Variants in NEK11 observed in about 807,000 individuals in gnomAD.
NEK11 encodes the protein NIMA related kinase 11, also known as serine/threonine-protein kinase Nek11.
A neutral mutation model predicts 80.7 loss-of-function variants in NEK11; 72 were observed. The ratio of observed to expected loss-of-function variants is 0.89; its 90% CI spans 0.74 to 1.08. NEK11 has a LOEUF of 1.08. Ranked by LOEUF, NEK11 falls within the 50% of genes least tolerant of loss-of-function variation. The pLI, the probability that NEK11 is intolerant of heterozygous loss-of-function variation, is 0.00. For missense variants in NEK11, 764 were observed against 763.6 expected, an observed-to-expected ratio of 1.00 and a Z score of -0.01; for synonymous variants, 251 against 260.7, an observed-to-expected ratio of 0.96 and a Z score of 0.36.
chr3:131,199,550 A>C (rs936587103), intron 14 of NEK11, among the ~76,000 whole-genome samples: 1 of 152,146 alleles, frequency 6.6e-6, no homozygotes, highest in African/African-American at 2.4e-5. Flanking sequence ...TTTTTTAAAA[A>C]ATATCATATG....
intron 3 of NEK11, among the ~76,000 whole-genome samples, chr3:131,077,014 C>T (rs1234555314): frequency 6.6e-6 from 1 of 152,178 alleles, no homozygotes; most frequent in African/African-American, 2.4e-5. Flanking sequence ...TTCCCCATTT[C>T]TGCAAAAGGT....
chr3:131,335,073 T>G (rs2097159079), intron 17 of NEK11, among the ~76,000 whole-genome samples: 1 of 152,202 alleles, frequency 6.6e-6, no homozygotes, highest in Admixed American at 6.5e-5. Flanking sequence ...CTTCTGAAAC[T>G]ATTCCAATCA....
intron 10 of NEK11, among the ~76,000 whole-genome samples, chr3:131,160,919 T>C (rs964177841): frequency 9.2e-5 from 14 of 152,128 alleles, no homozygotes; most frequent in Non-Finnish European, 1.8e-4. Context: ...CCCAGATTCA[T>C]AGGGCAAGTT....
At chr3:131,263,953 C>G (rs573336668) in intron 16 of NEK11, among the ~76,000 whole-genome samples, 25 of 152,330 alleles carry the variant, frequency 1.6e-4, no homozygotes, top group African/African-American at 5.8e-4. Context: ...TTGCATTTCT[C>G]TGATGGCCAG....
chr3:131,349,634 C>T lies in NEK11; in HGVS notation c.1796C>T (p.Ala599Val), dbSNP rs2097424578. 3.1e-6 allele frequency: 5 copies of T among 1,614,136 alleles called. No homozygotes were observed. The highest frequency in any genetic ancestry group is 4.2e-6 in the Non-Finnish European group (5 of 1,180,016). The change falls in exon 18 of 18, where the codon GCT becomes GTT. Residue 599 changes from alanine (A) to valine (V), a missense_variant. Transcript: ENST00000383366. ...NYLKRARHQN[A>V]SEAEIRECLE... ...CTCAAGAGAGCAAGGCATCAGAATG[C>T]TAGCGAAGCAGAGATCCGCGAGTGT...
intron 14 of NEK11, among the ~76,000 whole-genome samples, chr3:131,190,056 C>T (rs530274945): frequency 7.9e-5 from 12 of 152,202 alleles, no homozygotes; most frequent in Non-Finnish European, 7.4e-5. Flanking sequence ...CTTTACACAT[C>T]GATGTATAGA....
intron 5 of NEK11, among the ~76,000 whole-genome samples, 191 bp downstream of exon 5, chr3:131,110,112 G>C (rs577006943): frequency 6.6e-6 from 1 of 152,234 alleles, no homozygotes; most frequent in Admixed American, 6.5e-5. Context: ...TACTTGCATA[G>C]CTTTTTGTTG....
intron 4 of NEK11, among the ~76,000 whole-genome samples, chr3:131,086,532 C>A (rs988581348): frequency 1.3e-5 from 2 of 152,086 alleles, no homozygotes; most frequent in African/African-American, 4.8e-5. Context: ...TCAAATTGTT[C>A]CAACTTTGGC....
chr3:131,041,156 T>C (rs2066416418), intron 3 of NEK11, among the ~76,000 whole-genome samples: 1 of 152,248 alleles, frequency 6.6e-6, no homozygotes, highest in African/African-American at 2.4e-5. Context: ...TAATTTATAT[T>C]GCTATTTCAA....
At chr3:131,341,327 A>G (rs1466820072) in intron 17 of NEK11, among the ~76,000 whole-genome samples, 2 of 152,158 alleles carry the variant, frequency 1.3e-5, no homozygotes, top group Non-Finnish European at 2.9e-5. Flanking sequence ...ATTTACTCAC[A>G]TGTGTAAATG....
chr3:131,331,828 G>C (rs139948744), intron 17 of NEK11, among the ~76,000 whole-genome samples: 1 of 152,222 alleles, frequency 6.6e-6, no homozygotes. Context: ...CAACTGGCTC[G>C]GAGGGTCCTA....
At chr3:131,160,899 T>C (rs2091462428) in intron 10 of NEK11, among the ~76,000 whole-genome samples, 1 of 152,092 alleles carries the variant, frequency 6.6e-6, no homozygotes, top group African/African-American at 2.4e-5. Context: ...ATGCACCCAA[T>C]ACAGGAGCAC....
At chr3:131,304,212 C>A (rs1480760927) in intron 17 of NEK11, among the ~76,000 whole-genome samples, 1 of 152,126 alleles carries the variant, frequency 6.6e-6, no homozygotes, top group Non-Finnish European at 1.5e-5. Flanking sequence ...TTACTATTTG[C>A]AATTGTATTA....
intron 3 of NEK11, among the ~76,000 whole-genome samples, chr3:131,066,146 A>G (rs1159238756): frequency 2.0e-5 from 3 of 152,192 alleles, no homozygotes; most frequent in East Asian, 3.9e-4. Context: ...TGATCTACCA[A>G]TCAACCCTCC....
chr3:131,230,198 AG>A (rs1306843843), intron 15 of NEK11, among the ~76,000 whole-genome samples: 1 of 152,234 alleles, frequency 6.6e-6, no homozygotes, highest in Non-Finnish European at 1.5e-5. Context: ...AAACAGATTT[AG>A]AACCACATGA....
chr3:131,064,723 A>G (rs2071563950), intron 3 of NEK11, among the ~76,000 whole-genome samples: 1 of 152,214 alleles, frequency 6.6e-6, no homozygotes, highest in Non-Finnish European at 1.5e-5. Flanking sequence ...TACATGAATT[A>G]TGTCTCAATA....
At chr3:131,168,484 G>A (rs2092436019) in intron 12 of NEK11, among the ~76,000 whole-genome samples, 1 of 149,786 alleles carries the variant, frequency 6.7e-6, no homozygotes, top group Non-Finnish European at 1.5e-5. Flanking sequence ...AGCCTCCCAA[G>A]TAGCTGGGAC....
intron 11 of NEK11, among the ~76,000 whole-genome samples, chr3:131,164,837 G>T (rs1309366277): frequency 1.3e-5 from 2 of 152,186 alleles, no homozygotes; most frequent in African/African-American, 4.8e-5. Flanking sequence ...AGACAAGGGA[G>T]TTTGACTAGA....
chr3:131,062,597 C>G (rs115637557), intron 3 of NEK11, among the ~76,000 whole-genome samples: 2,006 of 152,324 alleles, frequency 0.013, 40 homozygotes, highest in African/African-American at 0.045. Flanking sequence ...CCACCCCAAA[C>G]CCAGGCAAAT....
Sources: gnomAD v4.1 joint callset for allele counts (sites outside exome capture counted in the v4.1 genomes callset) on GRCh38, gnomAD v4.1.1 for gene constraint, MANE v1.5 for transcripts, NCBI Gene and HGNC (gene_info 2026-07-23, HGNC 2026-07-21) for gene names.